Variants in DCC observed in about 807,000 individuals in gnomAD.
DCC encodes the protein netrin receptor DCC.
A neutral mutation model predicts 172.5 loss-of-function variants in DCC; 58 were observed. The ratio of observed to expected loss-of-function variants is 0.34; its 90% CI spans 0.27 to 0.42. The LOEUF is 0.42. DCC is among the 10% of genes least tolerant of loss of function. The probability of loss-of-function intolerance (pLI) is 1.00; values close to 1 mark genes in which losing one functional copy is unlikely to be tolerated. For synonymous variants in DCC, 709 were observed against 644.5 expected (o/e 1.10, Z -1.52); for missense variants, 1,740 against 1,791.0 (o/e 0.97, Z 0.51).
At chr18:53,007,612 T>C (rs1012297964) in intron 5 of DCC, among the ~76,000 whole-genome samples, 1 of 152,110 alleles carries the variant, frequency 6.6e-6, no homozygotes, top group African/African-American at 2.4e-5. Context: ...TTTTTCTCTG[T>C]GTGTATATAT....
chr18:52,642,974 A>G (rs1190551795), intron 1 of DCC, among the ~76,000 whole-genome samples: 1 of 152,186 alleles, frequency 6.6e-6, no homozygotes, highest in African/African-American at 2.4e-5. Flanking sequence ...TTTGAGGAAG[A>G]GCTTTCCTTA....
chr18:53,367,671 C>A lies in DCC; in HGVS notation c.2360-18372C>A, dbSNP rs117558564. Among the ~76,000 whole-genome samples, 850 of 152,212 alleles carry A rather than the reference C, an allele frequency of 5.6e-3. 6 individuals carry two copies. The highest frequency in any genetic ancestry group is 0.024 in the Admixed American group (372 of 15,264). Reference sequence around the variant, plus strand: ...AAATTCTATACCCATTAAATGACACCTGCCCATTCTCCTCCCTCCCTGTCC... The same window carrying A: ...AAATTCTATACCCATTAAATGACACATGCCCATTCTCCTCCCTCCCTGTCC... On this transcript the variant is annotated intron_variant, in intron 15 of 28. Coordinates refer to ENST00000442544, the MANE Select transcript of DCC (RefSeq NM_005215.4).
intron 1 of DCC, among the ~76,000 whole-genome samples, chr18:52,446,114 T>C (rs1328551369): frequency 6.6e-6 from 1 of 152,098 alleles, no homozygotes; most frequent in African/African-American, 2.4e-5. Context: ...TTTGTATTTT[T>C]AGTAGAGACG....
intron 5 of DCC, among the ~76,000 whole-genome samples, chr18:52,960,606 A>G (rs922121652): frequency 1.3e-5 from 2 of 152,142 alleles, no homozygotes; most frequent in African/African-American, 4.8e-5. Context: ...AAATGTGATC[A>G]TGTTCAGCCA....
At chr18:52,348,708 T>C (rs1396367437) in intron 1 of DCC, among the ~76,000 whole-genome samples, 2 of 152,230 alleles carry the variant, frequency 1.3e-5, no homozygotes, top group Admixed American at 6.5e-5. Context: ...TAGGCATAGA[T>C]GTTATCAGTA....
chr18:52,535,438 T>A (rs1260987699), intron 1 of DCC, among the ~76,000 whole-genome samples: 1 of 152,170 alleles, frequency 6.6e-6, no homozygotes, highest in African/African-American at 2.4e-5. Context: ...TTGTATCCCA[T>A]TTTGTATACA....
intron 17 of DCC, among the ~76,000 whole-genome samples, chr18:53,394,249 A>T (rs1908769274): frequency 6.6e-6 from 1 of 152,178 alleles, no homozygotes; most frequent in African/African-American, 2.4e-5. Context: ...GGAAATATCC[A>T]TACTTACTGT....
At chr18:53,324,717 A>G (rs1216280850) in intron 14 of DCC, among the ~76,000 whole-genome samples, 2 of 152,110 alleles carry the variant, frequency 1.3e-5, no homozygotes, top group African/African-American at 4.8e-5. Context: ...TGTCTTATGT[A>G]AAAAAATAGA....
chr18:52,932,768 C>T lies in DCC; in HGVS notation c.985+7398C>T, dbSNP rs116991913. Among the ~76,000 whole-genome samples, 459 of 152,006 alleles carry T rather than the reference C, an allele frequency of 3.0e-3. 1 individual carries two copies. Among genetic ancestry groups the T allele is most frequent in the Non-Finnish European group, 5.1e-3 (349 of 67,930 alleles). ...ATATAGATATAGATATACATACACA[C>T]GTATATTTTTGTATATGTGCATACA... On this transcript the variant is annotated intron_variant, in intron 5 of 28. Coordinates refer to ENST00000442544, the MANE Select transcript of DCC (RefSeq NM_005215.4).
chr18:53,448,442 C>A (rs989521059), intron 22 of DCC, among the ~76,000 whole-genome samples: 2 of 152,150 alleles, frequency 1.3e-5, no homozygotes, highest in Non-Finnish European at 2.9e-5. Flanking sequence ...TATCACAAGA[C>A]CAGCATGCGG....
At chr18:53,506,379 G>C (rs1048551749) in intron 27 of DCC, among the ~76,000 whole-genome samples, 10 of 152,244 alleles carry the variant, frequency 6.6e-5, no homozygotes, top group African/African-American at 2.4e-4. Flanking sequence ...ACAAATTCAT[G>C]AACATTTTAT....
intron 7 of DCC, among the ~76,000 whole-genome samples, 191 bp downstream of exon 7, chr18:53,066,357 A>G (rs11663894): frequency 0.3 from 5,504 of 18,654 alleles, 255 homozygotes; most frequent in African/African-American, 0.47. Flanking sequence ...ATGTGTGTAT[A>G]TATATATATA....
chr18:52,427,835 TCTTCCTTC>T (rs1206938130), intron 1 of DCC, among the ~76,000 whole-genome samples: 9,030 of 45,216 alleles, frequency 0.2, 455 homozygotes, highest in Middle Eastern at 0.35. Flanking sequence ...TTCCTTCCTT[TCTTCCTTC>T]CTTCCTTCCT....
chr18:52,776,277 G>T (rs1472581026), intron 2 of DCC, among the ~76,000 whole-genome samples: 2 of 151,094 alleles, frequency 1.3e-5, no homozygotes, highest in African/African-American at 4.9e-5. Flanking sequence ...ACCAATAAAA[G>T]AAACTCCAAA....
intron 1 of DCC, among the ~76,000 whole-genome samples, chr18:52,360,684 C>T (rs1984580913): frequency 6.6e-6 from 1 of 152,122 alleles, no homozygotes; most frequent in Admixed American, 6.5e-5. Flanking sequence ...TTAAAAAAAT[C>T]AGAAACTACT....
chr18:53,486,965 C>T lies in DCC; in HGVS notation c.3898+7C>T, dbSNP rs372361778. On this transcript the variant is annotated splice_region_variant and intron_variant, in intron 26 of 28. Transcript: ENST00000442544. ...GGAGCAGGAAGAAGTCAGTGTAATG[C>T]ATTTTCCTCTCTTTTTAATAAGCAC... 2 of 1,614,090 alleles carry T rather than the reference C, an allele frequency of 1.2e-6. No homozygotes were observed. Among genetic ancestry groups the T allele is most frequent in the Non-Finnish European group, 1.7e-6 (2 of 1,180,006 alleles).
At chr18:52,790,611 G>T (rs1448999778) in intron 2 of DCC, among the ~76,000 whole-genome samples, 1 of 152,110 alleles carries the variant, frequency 6.6e-6, no homozygotes, top group East Asian at 1.9e-4. Context: ...GTAAAAGAAG[G>T]AACCACACCA....
At chr18:53,096,024 C>T (rs903689468) in intron 7 of DCC, among the ~76,000 whole-genome samples, 3 of 151,832 alleles carry the variant, frequency 2.0e-5, no homozygotes, top group African/African-American at 4.8e-5. Context: ...AGTTGGGAGA[C>T]ATGACAAGAC....
intron 1 of DCC, among the ~76,000 whole-genome samples, chr18:52,433,207 T>C (rs538436464): frequency 6.6e-6 from 1 of 152,280 alleles, no homozygotes; most frequent in Non-Finnish European, 1.5e-5. Flanking sequence ...CGATCAGTAA[T>C]ATTTTAAAAT....
Sources: allele counts gnomAD v4.1 joint callset (sites outside exome capture counted in the v4.1 genomes callset), GRCh38; gene constraint gnomAD v4.1.1; transcripts MANE v1.5; gene names NCBI Gene and HGNC (gene_info 2026-07-23, HGNC 2026-07-21).